Variants in TENM2 observed in about 807,000 individuals in gnomAD.
The protein encoded by TENM2 is teneurin-2.
TENM2 carries 52 observed loss-of-function variants against 245.2 expected under a neutral mutation model. The ratio of observed to expected loss-of-function variants is 0.21; its 90% CI spans 0.17 to 0.27. The LOEUF (loss-of-function observed/expected upper bound fraction) is 0.27. TENM2 is among the 10% of genes least tolerant of loss of function. The probability of loss-of-function intolerance (pLI) is 1.00; values close to 1 mark genes in which losing one functional copy is unlikely to be tolerated. For synonymous variants in TENM2, 1,363 were observed against 1,438.9 expected, an observed-to-expected ratio of 0.95 and a Z score of 1.19; for missense variants, 3,046 against 3,666.8, an observed-to-expected ratio of 0.83 and a Z score of 4.37.
intron 2 of TENM2, among the ~76,000 whole-genome samples, chr5:167,629,289 C>T (rs924739273): frequency 2.0e-5 from 3 of 152,108 alleles, no homozygotes; most frequent in Non-Finnish European, 4.4e-5. Flanking sequence ...CTACATGCCT[C>T]GGTTTTCTTT....
intron 1 of TENM2, among the ~76,000 whole-genome samples, chr5:167,310,383 C>T (rs1470252397): frequency 3.3e-5 from 5 of 152,136 alleles, no homozygotes; most frequent in Non-Finnish European, 7.4e-5. Flanking sequence ...CCAAAAGGAG[C>T]GTTTACAAAC....
intron 2 of TENM2, among the ~76,000 whole-genome samples, chr5:167,810,428 C>G (rs377409025): frequency 1.3e-5 from 2 of 151,776 alleles, no homozygotes; most frequent in African/African-American, 4.8e-5. Flanking sequence ...TTCCCCTTAA[C>G]GGAACTTGGT....
In TENM2 at chr5:167,371,510, C is replaced by T. The variant is rs188827623; in HGVS notation, c.227-3688C>T. On this transcript the variant is annotated intron_variant, in intron 1 of 28. Coordinates refer to ENST00000518659, the Ensembl canonical transcript of TENM2. Reference sequence around the variant, plus strand: ...CCGAGTAGCTGGGATGACAGCCATGCGCCACCACACCCGGCTAATTTTGTA... The same window carrying T: ...CCGAGTAGCTGGGATGACAGCCATGTGCCACCACACCCGGCTAATTTTGTA... Among the ~76,000 whole-genome samples the T allele has an allele frequency of 2.2e-3, 329 of 151,822 alleles. 2 individuals are homozygous for T. The highest frequency in any genetic ancestry group is 3.6e-3 in the Non-Finnish European group (244 of 67,950).
At chr5:167,412,878 C>CAAAAA (rs35434897) in intron 2 of TENM2, among the ~76,000 whole-genome samples, 1 of 137,416 alleles carries the variant, frequency 7.3e-6, no homozygotes. Context: ...TCATCGAAAG[C>CAAAAA]AAAAAAAAAA....
rs369986376 is a variant in TENM2 at position 168,124,881 on chromosome 5, C to A, written c.2040C>A (p.His680Gln). The change falls in exon 11 of 29, where the codon CAC (histidine) becomes CAA (glutamine). Residue 680 changes from histidine to glutamine, a missense_variant. Physicochemically the swap from His to Gln is conservative, Grantham distance 24. This residue lies in a region of TENM2 where 2,704 missense variants were observed against 3,331.9 expected (regional missense o/e 0.81). Coordinates refer to ENST00000518659, the Ensembl canonical transcript of TENM2. The stretch of plus-strand genomic sequence containing the variant: ...GCTTGGATCCCACCTGCTCCAGCCA[C>A]GGAGTCTGTGTGAATGGAGAATGCC... 3.3e-5 allele frequency: 53 copies of A among 1,612,858 alleles called. 1 individual carries two copies. The South Asian group carries it at 4.9e-4, about 15-fold the overall frequency.
intron 2 of TENM2, among the ~76,000 whole-genome samples, chr5:167,472,228 G>A (rs1718556671): frequency 6.6e-6 from 1 of 152,118 alleles, no homozygotes; most frequent in Non-Finnish European, 1.5e-5. Context: ...TGAGAGTTGT[G>A]AGAGAGAACC....
intron 1 of TENM2, among the ~76,000 whole-genome samples, chr5:167,361,514 T>C (rs17414058): frequency 0.17 from 25,202 of 152,222 alleles, 2,654 homozygotes; most frequent in Non-Finnish European, 0.24. Context: ...CCAAGGCTAT[T>C]ATTTCTAATA....
At chr5:168,159,531 A>C (rs1282967113) in intron 12 of TENM2, among the ~76,000 whole-genome samples, 2 of 152,156 alleles carry the variant, frequency 1.3e-5, no homozygotes, top group Non-Finnish European at 2.9e-5. Context: ...GTTTTTCCTT[A>C]AGCAGAAGCT....
chr5:167,022,949 T>G, the TENM2 span, among the ~76,000 whole-genome samples: 1 of 152,236 alleles, frequency 6.6e-6, no homozygotes. Context: ...TAGTAAAGAC[T>G]AAAGCACAAC....
At chr5:168,155,764 G>A (rs7709145) in intron 12 of TENM2, among the ~76,000 whole-genome samples, 132,772 of 152,106 alleles carry the variant, frequency 0.87, 58,392 homozygotes, top group East Asian at 0.98. Flanking sequence ...CACTAACTAT[G>A]ATAGCTGTCA....
At chr5:168,064,809 G>A (rs750554423) in intron 7 of TENM2, among the ~76,000 whole-genome samples, 8 of 152,324 alleles carry the variant, frequency 5.3e-5, no homozygotes, top group Middle Eastern at 3.4e-3. Flanking sequence ...GCAAGCCACC[G>A]TGCCGATGCT....
intron 15 of TENM2, among the ~76,000 whole-genome samples, chr5:168,195,977 A>C (rs1761395063): frequency 6.6e-6 from 1 of 152,130 alleles, no homozygotes; most frequent in African/African-American, 2.4e-5. Flanking sequence ...GAAGAAGAAA[A>C]GAAATCTATG....
chr5:167,000,975 A>G, the TENM2 span, among the ~76,000 whole-genome samples: 1 of 151,516 alleles, frequency 6.6e-6, no homozygotes, highest in East Asian at 1.9e-4. Flanking sequence ...TGTTTCTAGG[A>G]TTTTTATTTT....
At chr5:167,644,894 G>A (rs1357354271) in intron 2 of TENM2, among the ~76,000 whole-genome samples, 1 of 152,162 alleles carries the variant, frequency 6.6e-6, no homozygotes, top group Admixed American at 6.5e-5. Context: ...TTTCATCATT[G>A]TGGGAATATG....
intron 2 of TENM2, among the ~76,000 whole-genome samples, chr5:167,713,406 A>G (rs993306055): frequency 1.4e-4 from 21 of 151,588 alleles, no homozygotes; most frequent in African/African-American, 4.8e-4. Flanking sequence ...GGCTGGTACT[A>G]TCTTCCTGGT....
chr5:167,866,265 G>A (rs1009297951), intron 2 of TENM2, among the ~76,000 whole-genome samples: 6 of 152,180 alleles, frequency 3.9e-5, no homozygotes, highest in Admixed American at 2.0e-4. Context: ...TTGGGAGACC[G>A]AGGCAGGCGG....
At chr5:168,022,979 C>T (rs927008585) in intron 5 of TENM2, among the ~76,000 whole-genome samples, 2 of 152,142 alleles carry the variant, frequency 1.3e-5, no homozygotes, top group African/African-American at 2.4e-5. Flanking sequence ...CCCCACACCC[C>T]ACTCCCCTGT....
chr5:168,115,652 T>A (rs1048056478), intron 9 of TENM2, among the ~76,000 whole-genome samples: 1 of 152,124 alleles, frequency 6.6e-6, no homozygotes, highest in African/African-American at 2.4e-5. Flanking sequence ...CTCATTTAAA[T>A]ACACGTTGTG....
intron 2 of TENM2, among the ~76,000 whole-genome samples, chr5:167,867,609 G>A (rs72835627): frequency 0.035 from 5,316 of 152,088 alleles, 134 homozygotes; most frequent in Middle Eastern, 0.065. Context: ...AGTGAAGAGG[G>A]CAATTAGGTC....
Sources: allele counts gnomAD v4.1 joint callset (sites outside exome capture counted in the v4.1 genomes callset), GRCh38; gene constraint gnomAD v4.1.1; regional missense constraint gnomAD v4.1.1; transcripts MANE v1.5; gene names NCBI Gene and HGNC (gene_info 2026-07-23, HGNC 2026-07-21).